Variants in NR3C1 observed in about 807,000 individuals in gnomAD.
The protein encoded by NR3C1 is glucocorticoid receptor.
NR3C1 carries 14 observed loss-of-function variants against 74.0 expected under a neutral mutation model. That is an observed-to-expected ratio of 0.19 (90% confidence interval 0.12 to 0.30). The LOEUF (loss-of-function observed/expected upper bound fraction) is 0.30. NR3C1 is among the 10% of genes least tolerant of loss of function. The pLI, the probability that NR3C1 is intolerant of heterozygous loss-of-function variation, is 1.00. For synonymous variants in NR3C1, 308 were observed against 332.5 expected, an observed-to-expected ratio of 0.93 and a Z score of 0.80; for missense variants, 695 against 909.8, an observed-to-expected ratio of 0.76 and a Z score of 3.04.
intron 3 of NR3C1, 83 bp downstream of exon 3, chr5:143,313,919 T>G: frequency 6.8e-7 from 1 of 1,461,100 alleles, no homozygotes; most frequent in Non-Finnish European, 9.6e-7. Flanking sequence ...TCATGGGCTT[T>G]GCATATAATG....
At chr5:143,413,608 G>C (rs1841377004) in intron 1 of NR3C1, among the ~76,000 whole-genome samples, 1 of 152,148 alleles carries the variant, frequency 6.6e-6, no homozygotes, top group Non-Finnish European at 1.5e-5. Context: ...CTGGTGGCCT[G>C]TGGCACCTGG....
chr5:143,428,790 A>G (rs188660888), intron 1 of NR3C1, among the ~76,000 whole-genome samples: 2 of 152,296 alleles, frequency 1.3e-5, no homozygotes, highest in East Asian at 1.9e-4. Context: ...AATTTTTGCT[A>G]TAAAAGCAAA....
At chr5:143,415,366 A>T (rs1319675411) in intron 1 of NR3C1, among the ~76,000 whole-genome samples, 1 of 152,116 alleles carries the variant, frequency 6.6e-6, no homozygotes, top group East Asian at 1.9e-4. Context: ...GAAGGGGAGG[A>T]TGGGGAGAGA....
intron 2 of NR3C1, among the ~76,000 whole-genome samples, chr5:143,318,315 G>A (rs747319242): frequency 6.6e-5 from 10 of 152,020 alleles, no homozygotes; most frequent in Non-Finnish European, 1.5e-4. Flanking sequence ...TTTTTTAAAG[G>A]TTTTAGTATT....
intron 7 of NR3C1, among the ~76,000 whole-genome samples, chr5:143,289,484 AG>A (rs1401746177): frequency 6.6e-6 from 1 of 152,224 alleles, no homozygotes. Context: ...AACAAATAGT[AG>A]AAAATCTTTT....
Position 143,281,921 on chromosome 5 carries a change from T to C in NR3C1, c.2302A>G (p.Asn768Asp), listed in dbSNP as rs754526334. 16 of 1,613,516 alleles carry C rather than the reference T, an allele frequency of 9.9e-6. No homozygotes were observed. The highest frequency in any genetic ancestry group is 1.3e-5 in the Non-Finnish European group (15 of 1,179,710). The change falls in exon 9 of 9, where the codon AAT becomes GAT. Residue 768 changes from asparagine to aspartate, a missense_variant. Around this residue, in one of 4 missense-constraint regions of NR3C1, gnomAD observed 133 missense variants for 287.9 expected, o/e 0.46. Coordinates refer to ENST00000394464, the MANE Select transcript of NR3C1 (RefSeq NM_000176.3). ...TNQIPKYSNG[N>D]IKKLLFHQK ...TGATGAAACAGAAGTTTTTTGATATTTCCATTTGAATATTTTGGTATCTGA... is the reference window on the plus strand; with the variant it reads ...TGATGAAACAGAAGTTTTTTGATATCTCCATTTGAATATTTTGGTATCTGA...
At chr5:143,392,850 T>G (rs1838518978) in intron 2 of NR3C1, among the ~76,000 whole-genome samples, 1 of 152,240 alleles carries the variant, frequency 6.6e-6, no homozygotes, top group African/African-American at 2.4e-5. Flanking sequence ...CTGTATTATG[T>G]CAATCAACTA....
At chr5:143,403,872 G>A, upstream of NR3C1, 1 of 977,320 alleles carries the variant, frequency 1.0e-6, no homozygotes, top group Non-Finnish European at 1.2e-6. Flanking sequence ...GGCCCCGACG[G>A]CGCCTGCACG....
intron 2 of NR3C1, among the ~76,000 whole-genome samples, chr5:143,353,318 A>T (rs1830536814): frequency 6.6e-6 from 1 of 152,092 alleles, no homozygotes; most frequent in South Asian, 2.1e-4. Flanking sequence ...AACTTCTTTC[A>T]AACTGCTACT....
chr5:143,427,932 T>C (rs1751618845), intron 1 of NR3C1, among the ~76,000 whole-genome samples: 2 of 152,236 alleles, frequency 1.3e-5, no homozygotes, highest in Admixed American at 1.3e-4. Context: ...CCTGGCACAA[T>C]GTTATTGTTA....
At chr5:143,313,851 G>A in intron 3 of NR3C1, 151 bp downstream of exon 3, 4 of 686,738 alleles carry the variant, frequency 5.8e-6, no homozygotes, top group Non-Finnish European at 1.0e-5. Flanking sequence ...ATACTTTCCT[G>A]CCCATTAGAG....
In NR3C1 at chr5:143,306,874, A is replaced by ATTTTTTTTTTTT. The variant is rs70991802; in HGVS notation, c.1468+3211_1468+3222dup. Reference sequence around the variant, plus strand: ...ACTGCAGCCTAAATTGTATGCTTAAATTTTTTTTTTTTTTTTTTTTTTTTT... The same window carrying ATTTTTTTTTTTT: ...ACTGCAGCCTAAATTGTATGCTTAAATTTTTTTTTTTTTTTTTTTTTTTTTTTTTTTTTTTTT... On this transcript the variant is annotated intron_variant, in intron 4 of 8. Transcript: ENST00000394464. Among the ~76,000 whole-genome samples the ATTTTTTTTTTTT allele has an allele frequency of 7.2e-5, 6 of 82,904 alleles. 1 individual carries two copies. The highest frequency in any genetic ancestry group is 3.1e-4 in the African/African-American group (6 of 19,652). The allele number at this position is 82,904 out of a possible 152,430, so 54.4% of individuals were successfully genotyped here.
At chr5:143,414,275 T>G (rs914827398) in intron 1 of NR3C1, among the ~76,000 whole-genome samples, 7 of 152,172 alleles carry the variant, frequency 4.6e-5, no homozygotes, top group Non-Finnish European at 8.8e-5. Context: ...TGAATATGAT[T>G]CCAACAATAT....
chr5:143,370,847 A>G (rs1352160119), intron 2 of NR3C1, among the ~76,000 whole-genome samples: 1 of 152,208 alleles, frequency 6.6e-6, no homozygotes, highest in Non-Finnish European at 1.5e-5. Flanking sequence ...GTATAAAAGC[A>G]AGATATCAGG....
intron 2 of NR3C1, chr5:143,332,468 G>C (rs1826182183): frequency 3.8e-6 from 2 of 524,442 alleles, no homozygotes; most frequent in Admixed American, 7.2e-5. Context: ...CTTAATACCT[G>C]ATGAGTTGAT....
intron 1 of NR3C1, among the ~76,000 whole-genome samples, chr5:143,432,607 C>T (rs1171187187): frequency 1.3e-5 from 2 of 152,122 alleles, no homozygotes; most frequent in Non-Finnish European, 2.9e-5. Context: ...GTGAGATGCT[C>T]GGGATGAGTT....
At position 143,365,809 on chromosome 5, in the gene NR3C1, C is replaced by T. The variant is rs573023951; in HGVS notation, c.1184+33847G>A. Among the ~76,000 whole-genome samples, 14 of 152,232 alleles carry T rather than the reference C, an allele frequency of 9.2e-5. No homozygotes were observed. The East Asian group carries it at 1.9e-3, about 21-fold the overall frequency. On this transcript the variant is annotated intron_variant, in intron 2 of 8. Coordinates refer to ENST00000394464, the MANE Select transcript of NR3C1 (RefSeq NM_000176.3). Reference sequence around the variant, plus strand: ...ATAGAAATCATACAAAGTATGTTCTCGGACCAGAATGGAATGACACTGAGA... The same window carrying T: ...ATAGAAATCATACAAAGTATGTTCTTGGACCAGAATGGAATGACACTGAGA...
chr5:143,407,498 A>G (rs1397876167), upstream of NR3C1: 3 of 152,080 alleles, frequency 2.0e-5, no homozygotes, highest in African/African-American at 4.8e-5. Context: ...CTCATTTGTT[A>G]TTTCTCTGTA....
chr5:143,315,992 T>C (rs1821992893), intron 2 of NR3C1, among the ~76,000 whole-genome samples: 1 of 152,194 alleles, frequency 6.6e-6, no homozygotes, highest in Non-Finnish European at 1.5e-5. Context: ...CTCTGAACAC[T>C]GTTAAGAAGA....
Sources: gnomAD v4.1 joint callset for allele counts (sites outside exome capture counted in the v4.1 genomes callset) on GRCh38, gnomAD v4.1.1 for gene constraint, gnomAD v4.1.1 regional missense constraint, MANE v1.5 for transcripts, NCBI Gene and HGNC (gene_info 2026-07-23, HGNC 2026-07-21) for gene names.